PRICKLE2: variants seen among roughly 807,000 people sequenced by gnomAD.
PRICKLE2 encodes prickle planar cell polarity protein 2.
Under a neutral mutation model 81.4 loss-of-function variants are expected in PRICKLE2, and 21 were observed. The observed-to-expected ratio is 0.26, with a 90% CI of 0.18 to 0.37. The LOEUF (loss-of-function observed/expected upper bound fraction) is 0.37. Ranked by LOEUF, PRICKLE2 falls within the 10% of genes least tolerant of loss-of-function variation. PRICKLE2 has a pLI of 1.00. For missense variants in PRICKLE2, 940 were observed against 1,109.0 expected, an observed-to-expected ratio of 0.85 and a Z score of 2.16; for synonymous variants, 456 against 421.5, an observed-to-expected ratio of 1.08 and a Z score of -1.00.
At position 64,163,299 on chromosome 3, in the gene PRICKLE2, C is replaced by T. The variant is rs117335254; in HGVS notation, c.145-170G>A. 5.4e-4 allele frequency: 355 copies of T among 663,398 alleles called. 1 individual carries two copies. The East Asian group carries it at 7.9e-3, about 15-fold the overall frequency. 41.1% of individuals were successfully genotyped at this position (663,398 alleles called of 1,614,324 possible). ...TCCTATGGTAAGCAGAGAAATTCAT[C>T]CTTAAAGCAAGAGTCAGGCAAATCA... On this transcript the variant is annotated intron_variant, in intron 2 of 7. Transcript: ENST00000638394.
At chr3:64,241,995 G>C (rs2079272772) in intron 2 of PRICKLE2, among the ~76,000 whole-genome samples, 1 of 152,120 alleles carries the variant, frequency 6.6e-6, no homozygotes, top group Non-Finnish European at 1.5e-5. Context: ...AGAGATCGTG[G>C]AGGAGAAATC....
chr3:64,211,588 GC>G (rs1306877797), intron 1 of PRICKLE2, among the ~76,000 whole-genome samples: 1 of 152,216 alleles, frequency 6.6e-6, no homozygotes, highest in African/African-American at 2.4e-5. Context: ...AGAATAAGCA[GC>G]ACAAATGTGG....
chr3:64,157,325 G>A lies in PRICKLE2; in HGVS notation c.437C>T (p.Ala146Val), dbSNP rs369686744. 218 of 1,613,606 alleles carry A rather than the reference G, an allele frequency of 1.4e-4. No individual in the cohort carries two copies. Among genetic ancestry groups the A allele is most frequent in the Non-Finnish European group, 1.7e-4 (203 of 1,180,036 alleles). The change falls in exon 5 of 8, where the codon GCG (alanine) becomes GTG (valine). Residue 146 changes from alanine (A) to valine (V), a missense_variant. Physicochemically the swap from Ala to Val is moderately conservative, Grantham distance 64. Around this residue, in one of 2 missense-constraint regions of PRICKLE2, gnomAD observed 270 missense variants for 391.8 expected, o/e 0.69. Coordinates refer to ENST00000638394, the MANE Select transcript of PRICKLE2 (RefSeq NM_198859.4). ...GCAAACGCCGTGGCCAGCGCGTGAC[G>A]CAAACACAGCGATGTCTCCACCATT... ...QINGGDIAVF[A>V]SRAGHGVCWH...
chr3:64,195,442 C>T (rs546669651), intron 2 of PRICKLE2, among the ~76,000 whole-genome samples: 2 of 152,114 alleles, frequency 1.3e-5, no homozygotes, highest in Non-Finnish European at 2.9e-5. Flanking sequence ...CAACCTACGA[C>T]CTGGGAGTGA....
chr3:64,197,784 A>G (rs1017805501), intron 2 of PRICKLE2, among the ~76,000 whole-genome samples: 1 of 152,144 alleles, frequency 6.6e-6, no homozygotes, highest in Non-Finnish European at 1.5e-5. Context: ...AATAATCTGT[A>G]CAACAAACTC....
chr3:64,179,277 T>C (rs1299416402), intron 2 of PRICKLE2, among the ~76,000 whole-genome samples: 1 of 152,002 alleles, frequency 6.6e-6, no homozygotes, highest in African/African-American at 2.4e-5. Context: ...GGTTTCTCCA[T>C]GTTGGTCAGG....
intron 7 of PRICKLE2, chr3:64,100,294 T>C: frequency 3.7e-6 from 1 of 271,042 alleles, no homozygotes; most frequent in Non-Finnish European, 7.1e-6. Flanking sequence ...TCATGCACTA[T>C]AAGCTCTGTA....
At chr3:64,265,336 T>G (rs2079684157) in intron 2 of PRICKLE2, among the ~76,000 whole-genome samples, 2 of 152,182 alleles carry the variant, frequency 1.3e-5, no homozygotes, top group African/African-American at 4.8e-5. Context: ...TATATTCAAC[T>G]AGGATTACCA....
chr3:64,125,873 C>T (rs1305651532), intron 7 of PRICKLE2, among the ~76,000 whole-genome samples: 2 of 152,082 alleles, frequency 1.3e-5, no homozygotes, highest in Non-Finnish European at 2.9e-5. Flanking sequence ...ACACTTCTGG[C>T]CCCTAGCATT....
intron 2 of PRICKLE2, among the ~76,000 whole-genome samples, chr3:64,194,658 T>C (rs1159215353): frequency 6.6e-6 from 1 of 152,222 alleles, no homozygotes; most frequent in Non-Finnish European, 1.5e-5. Context: ...ATTTTCTAAG[T>C]TCCTATTTTA....
At chr3:64,183,298 C>T (rs2078165788) in intron 2 of PRICKLE2, among the ~76,000 whole-genome samples, 1 of 152,084 alleles carries the variant, frequency 6.6e-6, no homozygotes, top group African/African-American at 2.4e-5. Flanking sequence ...ATAATGGCCA[C>T]CAGTTCACTA....
chr3:64,116,598 G>T (rs1457299332), intron 7 of PRICKLE2, among the ~76,000 whole-genome samples: 1 of 152,152 alleles, frequency 6.6e-6, no homozygotes, highest in Non-Finnish European at 1.5e-5. Context: ...AAATCTAGGA[G>T]AAATGGATAA....
chr3:64,214,065 G>C (rs1212086486), intron 1 of PRICKLE2, among the ~76,000 whole-genome samples: 1 of 152,122 alleles, frequency 6.6e-6, no homozygotes, highest in Non-Finnish European at 1.5e-5. Flanking sequence ...TCATCCAGGG[G>C]AACTGGGCCA....
chr3:64,114,508 G>C (rs1028406294), intron 7 of PRICKLE2, among the ~76,000 whole-genome samples: 6 of 152,038 alleles, frequency 3.9e-5, no homozygotes, highest in Non-Finnish European at 8.8e-5. Flanking sequence ...AGACAAAATA[G>C]CCAATATAGA....
intron 7 of PRICKLE2, among the ~76,000 whole-genome samples, chr3:64,139,948 T>C (rs1438699574): frequency 6.6e-6 from 1 of 152,194 alleles, no homozygotes; most frequent in Non-Finnish European, 1.5e-5. Context: ...TATCATACAA[T>C]TGGATGGTTA....
intron 3 of PRICKLE2, among the ~76,000 whole-genome samples, chr3:64,160,763 T>C (rs2077719717): frequency 6.6e-6 from 1 of 152,200 alleles, no homozygotes; most frequent in Non-Finnish European, 1.5e-5. Flanking sequence ...AGGAGGAACA[T>C]TAAAGATAAT....
chr3:64,126,546 T>A (rs561708737), intron 7 of PRICKLE2, among the ~76,000 whole-genome samples: 1 of 152,170 alleles, frequency 6.6e-6, no homozygotes, highest in African/African-American at 2.4e-5. Context: ...TCGGGCTGCC[T>A]CTCATTAGCC....
rs727504106 is a variant in PRICKLE2 at position 64,198,805 on chromosome 3, C to T, written c.123G>A (p.Pro41=). The change falls in exon 2 of 8, where the codon CCG becomes CCA. Residue 41 remains proline, a synonymous_variant. Transcript: ENST00000638394. ...GTACCTGTTCAGGCTTCAGACCCGGCGGGACCCAGGCATACTCTTCCAAAG... is the reference window on the plus strand; with the variant it reads ...GTACCTGTTCAGGCTTCAGACCCGGTGGGACCCAGGCATACTCTTCCAAAG... ...GCALEEYAWV[P]PGLKPEQVHQ... 1.9e-5 allele frequency: 31 copies of T among 1,613,964 alleles called. No individual in the cohort carries two copies. Among genetic ancestry groups the T allele is most frequent in the East Asian group, 8.9e-5 (4 of 44,872 alleles).
chr3:64,234,255 T>C (rs1417933193), intron 2 of PRICKLE2, among the ~76,000 whole-genome samples: 3 of 152,176 alleles, frequency 2.0e-5, no homozygotes, highest in Non-Finnish European at 4.4e-5. Context: ...TTTTTCAAAG[T>C]GCTCCTCCAG....
Sources: gnomAD v4.1 joint callset for allele counts (sites outside exome capture counted in the v4.1 genomes callset) on GRCh38, gnomAD v4.1.1 for gene constraint, gnomAD v4.1.1 regional missense constraint, MANE v1.5 for transcripts, NCBI Gene and HGNC (gene_info 2026-07-23, HGNC 2026-07-21) for gene names.